The following PLCB1 variants were observed in gnomAD, a reference collection of about 807,000 sequenced individuals.
PLCB1 encodes the protein phospholipase C beta 1.
PLCB1 carries 46 observed loss-of-function variants against 161.8 expected under a neutral mutation model. The ratio of observed to expected loss-of-function variants is 0.28; its 90% CI spans 0.22 to 0.36. PLCB1 has a LOEUF of 0.36. Ranked by LOEUF, PLCB1 falls within the 10% of genes least tolerant of loss-of-function variation. PLCB1 has a pLI of 1.00. For missense variants in PLCB1, 1,016 were observed against 1,472.5 expected, an observed-to-expected ratio of 0.69 and a Z score of 5.07; for synonymous variants, 517 against 503.7, an observed-to-expected ratio of 1.03 and a Z score of -0.35.
intron 31 of PLCB1, among the ~76,000 whole-genome samples, chr20:8,830,340 G>A (rs1198012971): frequency 1.3e-5 from 2 of 152,238 alleles, no homozygotes; most frequent in Non-Finnish European, 2.9e-5. Context: ...AGGGCTTGGA[G>A]CTTTATCCAG....
intron 3 of PLCB1, among the ~76,000 whole-genome samples, chr20:8,391,181 A>G (rs1417897722): frequency 6.6e-6 from 1 of 152,060 alleles, no homozygotes; most frequent in Non-Finnish European, 1.5e-5. Flanking sequence ...ACTATAATCT[A>G]TGTATAAGAG....
Position 8,646,190 on chromosome 20 carries a change from C to T in PLCB1, c.464+9C>T. On this transcript the variant is annotated intron_variant, in intron 5 of 31. Coordinates refer to ENST00000338037, the MANE Select transcript of PLCB1 (RefSeq NM_015192.4). ...GCATTTCTGGAAAAAGCGTAAGTCACTCTAATTTTATTGCTAAGGGCGTTG... is the reference window on the plus strand; with the variant it reads ...GCATTTCTGGAAAAAGCGTAAGTCATTCTAATTTTATTGCTAAGGGCGTTG... 6.3e-7 allele frequency: 1 copy of T among 1,595,022 alleles called. No homozygotes were observed. Among genetic ancestry groups the T allele is most frequent in the Non-Finnish European group, 8.6e-7 (1 of 1,162,678 alleles).
At chr20:8,138,139 C>T (rs2051367377) in intron 1 of PLCB1, among the ~76,000 whole-genome samples, 1 of 152,248 alleles carries the variant, frequency 6.6e-6, no homozygotes. Context: ...AATTTTCTCT[C>T]ATAGGTTTTC....
At chr20:8,549,771 A>G (rs772563566) in intron 3 of PLCB1, among the ~76,000 whole-genome samples, 1 of 152,144 alleles carries the variant, frequency 6.6e-6, no homozygotes, top group African/African-American at 2.4e-5. Flanking sequence ...AGGTTTTGCC[A>G]TGTTGCCCAG....
chr20:8,684,286 T>C (rs1990304517), intron 9 of PLCB1, among the ~76,000 whole-genome samples: 1 of 151,732 alleles, frequency 6.6e-6, no homozygotes, highest in Admixed American at 6.6e-5. Flanking sequence ...AGAAGGAGTC[T>C]CGCTCTGTCG....
At chr20:8,668,271 G>A (rs1171845099) in intron 9 of PLCB1, among the ~76,000 whole-genome samples, 1 of 152,096 alleles carries the variant, frequency 6.6e-6, no homozygotes, top group Non-Finnish European at 1.5e-5. Flanking sequence ...CAGTGACCAA[G>A]GATTTCAAAA....
chr20:8,333,909 A>G (rs1985461742), intron 2 of PLCB1, among the ~76,000 whole-genome samples: 1 of 152,196 alleles, frequency 6.6e-6, no homozygotes, highest in African/African-American at 2.4e-5. Context: ...ATTGAGTGGA[A>G]TAGAAAACAT....
chr20:8,227,761 C>T (rs140970307), intron 2 of PLCB1, among the ~76,000 whole-genome samples: 121 of 152,186 alleles, frequency 8.0e-4, no homozygotes, highest in African/African-American at 2.8e-3. Context: ...GACTGAAGCT[C>T]GGGAATGGTC....
intron 18 of PLCB1, among the ~76,000 whole-genome samples, chr20:8,731,424 TTCTA>T (rs1243480597): frequency 6.6e-6 from 1 of 151,934 alleles, no homozygotes; most frequent in African/African-American, 2.4e-5. Flanking sequence ...TCTTAACGTC[TTCTA>T]TCTAAGTGAA....
At chr20:8,141,309 A>G (rs578070603) in intron 1 of PLCB1, among the ~76,000 whole-genome samples, 1 of 152,268 alleles carries the variant, frequency 6.6e-6, no homozygotes, top group African/African-American at 2.4e-5. Flanking sequence ...GAGCATTGGA[A>G]AACCTCATTG....
intron 3 of PLCB1, among the ~76,000 whole-genome samples, chr20:8,380,125 T>A (rs556856557): frequency 6.6e-6 from 1 of 152,342 alleles, no homozygotes; most frequent in Middle Eastern, 3.4e-3. Context: ...TTAATCCATC[T>A]TGAGTTAATT....
chr20:8,371,100 A>C (rs971816149), intron 2 of PLCB1: 9 of 355,858 alleles, frequency 2.5e-5, no homozygotes, highest in Non-Finnish European at 3.6e-5. Context: ...AAGAACAAGA[A>C]GACCTGATTC....
chr20:8,600,561 G>C (rs1987530159), intron 3 of PLCB1, among the ~76,000 whole-genome samples: 1 of 151,056 alleles, frequency 6.6e-6, no homozygotes, highest in Admixed American at 6.6e-5. Flanking sequence ...TTGTTTGTCT[G>C]TGCCCTGCCC....
intron 31 of PLCB1, among the ~76,000 whole-genome samples, chr20:8,848,665 C>A (rs532713029): frequency 6.6e-6 from 1 of 152,238 alleles, no homozygotes; most frequent in Non-Finnish European, 1.5e-5. Context: ...CTAAGCTACT[C>A]ACCTCATGAG....
At chr20:8,237,860 T>G (rs546762620) in intron 2 of PLCB1, among the ~76,000 whole-genome samples, 143 of 152,084 alleles carry the variant, frequency 9.4e-4, no homozygotes, top group Admixed American at 3.6e-3. Context: ...GCAAAAACAA[T>G]GAAGTGTCAA....
chr20:8,590,531 CA>C (rs1282959561), intron 3 of PLCB1, among the ~76,000 whole-genome samples: 5 of 152,046 alleles, frequency 3.3e-5, no homozygotes, highest in Non-Finnish European at 5.9e-5. Context: ...AAACAACACA[CA>C]TTTATTATTT....
At chr20:8,747,734 T>G (rs1981244971) in intron 23 of PLCB1, among the ~76,000 whole-genome samples, 1 of 152,098 alleles carries the variant, frequency 6.6e-6, no homozygotes, top group South Asian at 2.1e-4. Context: ...AATGCACTAC[T>G]GCACCCTAGC....
intron 3 of PLCB1, among the ~76,000 whole-genome samples, chr20:8,496,329 C>CAA (rs71331309): frequency 1.3e-3 from 117 of 91,948 alleles, no homozygotes; most frequent in African/African-American, 2.9e-3. Context: ...CCCATCTCTG[C>CAA]AAAAAAAAAA....
chr20:8,192,343 C>T (rs1483501542), intron 2 of PLCB1, among the ~76,000 whole-genome samples: 1 of 151,790 alleles, frequency 6.6e-6, no homozygotes, highest in Non-Finnish European at 1.5e-5. Flanking sequence ...TTAAAAAAAT[C>T]GTATTCACTA....
Sources: gnomAD v4.1 joint callset for allele counts (sites outside exome capture counted in the v4.1 genomes callset) on GRCh38, gnomAD v4.1.1 for gene constraint, MANE v1.5 for transcripts, NCBI Gene and HGNC (gene_info 2026-07-23, HGNC 2026-07-21) for gene names.